The following CAD variants were observed in gnomAD, a reference collection of about 807,000 sequenced individuals.
CAD encodes the protein carbamoyl-phosphate synthetase 2, aspartate transcarbamylase, and dihydroorotase, also known as multifunctional protein CAD.
A neutral mutation model predicts 237.2 loss-of-function variants in CAD; 81 were observed. The ratio of observed to expected loss-of-function variants is 0.34; its 90% confidence interval spans 0.29 to 0.41. The LOEUF (loss-of-function observed/expected upper bound fraction) is 0.41. Ranked by LOEUF, CAD falls within the 10% of genes least tolerant of loss-of-function variation. The pLI, the probability that CAD is intolerant of heterozygous loss-of-function variation, is 1.00. For missense variants in CAD, 2,181 were observed against 2,951.7 expected (o/e 0.74, Z 6.05); for synonymous variants, 1,196 against 1,162.8 (o/e 1.03, Z -0.58).
Position 27,242,971 on chromosome 2 carries a change from G to C in CAD, c.6478G>C (p.Ala2160Pro). ...ATTTGGCTCTACCCAGGAGTACGAA[G>C]CTGTGAGTGCTGGGCTTGAGGAAGA... ...ERFGSTQEYE[A>P]CFGQFILTPH... Residue 2160 changes from alanine (A) to proline (P), a missense_variant and splice_region_variant, in exon 42 of 44, where the codon GCT becomes CCT. By Grantham distance (27) the Ala-to-Pro change is conservative. Transcript: ENST00000264705. The surrounding 1 kb of genome is among the most constrained non-coding windows in gnomAD (Gnocchi z 6.4). The C allele has an allele frequency of 6.3e-7, 1 of 1,593,722 alleles. No homozygotes were observed. Among genetic ancestry groups the C allele is most frequent in the Non-Finnish European group, 8.6e-7 (1 of 1,165,912 alleles).
chr2:27,242,898 G>T lies in CAD; in HGVS notation c.6405G>T (p.Ala2135=), dbSNP rs749040465. The change falls in exon 42 of 44, where the codon GCG becomes GCT. Residue 2135 remains alanine, a synonymous_variant. Transcript: ENST00000264705. The surrounding 1 kb of genome is among the most constrained non-coding windows in gnomAD (Gnocchi z 6.4). ...KQEEFESIEE[A]LPDTDVLYMT... ...AGGAATTCGAGAGCATTGAGGAGGC[G>T]CTGCCTGACACTGATGTGCTCTACA... The T allele has an allele frequency of 6.2e-7, 1 of 1,614,020 alleles. No individual in the cohort carries two copies. The highest frequency in any genetic ancestry group is 8.5e-7 in the Non-Finnish European group (1 of 1,179,894).
chr2:27,223,021 A>G lies in CAD; in HGVS notation c.793A>G (p.Lys265Glu). 1 of 1,614,206 alleles carries G rather than the reference A, an allele frequency of 6.2e-7. No individual in the cohort carries two copies. The highest frequency in any genetic ancestry group is 8.5e-7 in the Non-Finnish European group (1 of 1,180,034). ...GCTATTGGCCTTAGCCATTGGGGCC[A>G]AGACTTACAAGATGAGGTGGGACTT... Reference protein sequence around the residue: ...HQLLALAIGAKTYKMRYGNRG... With the variant: ...HQLLALAIGAETYKMRYGNRG... Residue 265 changes from lysine to glutamate, a missense_variant, in exon 6 of 44, where the codon AAG (lysine) becomes GAG (glutamate). By Grantham distance (56) the Lys-to-Glu change is moderately conservative (BLOSUM62 1). This residue lies in a region of CAD where 314 missense variants were observed against 339.4 expected (regional missense o/e 0.93). Transcript: ENST00000264705.
chr2:27,238,733 C>CGTCCTA, intron 31 of CAD, 101 bp downstream of exon 31: 3 of 1,132,534 alleles, frequency 2.6e-6, no homozygotes, highest in Non-Finnish European at 3.8e-6. Flanking sequence ...TCTACTAGGA[C>CGTCCTA]AGGGTCTTGA....
intron 23 of CAD, 110 bp downstream of exon 23, chr2:27,234,795 G>A (rs1455934023): frequency 1.1e-5 from 11 of 995,600 alleles, no homozygotes; most frequent in East Asian, 1.1e-4. Flanking sequence ...AGGCATTGCC[G>A]GATCGTGGGG....
chr2:27,232,432 C>G lies in CAD; in HGVS notation c.2646-16C>G, dbSNP rs747150696. The G allele has an allele frequency of 1.2e-6, 2 of 1,613,828 alleles. No homozygotes were observed. Among genetic ancestry groups the G allele is most frequent in the East Asian group, 2.2e-5 (1 of 44,896 alleles). ...TACTCTCTGGGCCTGTGTTTCAGAC[C>G]CTTTTTCTATTTTAGCACAGAGCTG... On this transcript the variant is annotated splice_polypyrimidine_tract_variant and intron_variant, in intron 17 of 43. Transcript: ENST00000264705. The surrounding 1 kb of genome is among the most constrained non-coding windows in gnomAD (Gnocchi z 4.1).
At position 27,225,081 on chromosome 2, in the gene CAD, G is replaced by T; in HGVS notation, c.1458G>T (p.Val486=). 6.2e-7 allele frequency: 1 copy of T among 1,614,168 alleles called. No individual in the cohort carries two copies. Among genetic ancestry groups the T allele is most frequent in the Non-Finnish European group, 8.5e-7 (1 of 1,180,036 alleles). The change falls in exon 11 of 44, where the codon GTG becomes GTT. Residue 486 remains valine, a synonymous_variant. Coordinates refer to ENST00000264705, the MANE Select transcript of CAD (RefSeq NM_004341.5). The stretch of plus-strand genomic sequence containing the variant: ...GCCAGACTGCTCTGAACTGTGGTGT[G>T]GAGCTGACCAAGGCCGGGGTGCTGG... ...FGGQTALNCG[V]ELTKAGVLAR...
At position 27,225,021 on chromosome 2, in the gene CAD, T is replaced by C. The variant is rs141764429; in HGVS notation, c.1398T>C (p.Asn466=). 18 of 1,609,932 alleles carry C rather than the reference T, an allele frequency of 1.1e-5. No individual in the cohort carries two copies. The African/African-American group carries it at 1.9e-4, about 17-fold the overall frequency. Residue 466 remains asparagine (N), a synonymous_variant, in exon 11 of 44, where the codon AAT becomes AAC. Transcript: ENST00000264705. ...TPHYVTQVIR[N]ERPDGVLLTF... is the part of the protein sequence containing the mutation. Reference sequence around the variant, plus strand: ...CTCTCCATCCTCAGGTGATACGTAATGAACGCCCCGATGGTGTGTTACTGA... The same window carrying C: ...CTCTCCATCCTCAGGTGATACGTAACGAACGCCCCGATGGTGTGTTACTGA...
At chr2:27,218,158 A>G (rs1297010265) in intron 2 of CAD, 142 bp downstream of exon 2, 2 of 694,046 alleles carry the variant, frequency 2.9e-6, no homozygotes, top group East Asian at 6.3e-5. Context: ...GACTAAGATC[A>G]CTAGTAACTG....
In CAD at chr2:27,241,991, A is replaced by T. The variant is rs1194681458; in HGVS notation, c.5964A>T (p.Gly1988=). The change falls in exon 39 of 44, where the codon GGA becomes GGT. Residue 1988 remains glycine (G), a synonymous_variant. Coordinates refer to ENST00000264705, the MANE Select transcript of CAD (RefSeq NM_004341.5). The surrounding 1 kb of genome is among the most constrained non-coding windows in gnomAD (Gnocchi z 4.6). The stretch of plus-strand genomic sequence containing the variant: ...TTGCAGCAGCCATGGCCCGGCTGGG[A>T]GGTGCTGTGCTCAGCTTCTCGGAAG... The part of the protein sequence containing the change: ...SSFAAAMARL[G]GAVLSFSEAT... 1.2e-6 allele frequency: 2 copies of T among 1,613,192 alleles called. No individual in the cohort carries two copies. The highest frequency in any genetic ancestry group is 1.7e-6 in the Non-Finnish European group (2 of 1,180,018).
chr2:27,241,762 G>A lies in CAD; in HGVS notation c.5884-149G>A, dbSNP rs960239317. The A allele has an allele frequency of 1.9e-5, 12 of 643,006 alleles. No homozygotes were observed. Among genetic ancestry groups the A allele is most frequent in the East Asian group, 5.5e-5 (2 of 36,456 alleles). 39.8% of individuals were successfully genotyped at this position (643,006 alleles called of 1,614,324 possible). On this transcript the variant is annotated intron_variant, in intron 38 of 43. Coordinates refer to ENST00000264705, the MANE Select transcript of CAD (RefSeq NM_004341.5). This position sits in a 1 kb window ranked among gnomAD's most constrained non-coding sequence, Gnocchi z 4.6. Reference sequence around the variant, plus strand: ...TCAGAGTGACACCAGTGGTGGAAACGTCAAGGCTCTGACAGGTCACAGGGG... The same window carrying A: ...TCAGAGTGACACCAGTGGTGGAAACATCAAGGCTCTGACAGGTCACAGGGG...
chr2:27,226,480 A>G, intron 13 of CAD, 45 bp from the exon 14 acceptor site: 2 of 1,609,744 alleles, frequency 1.2e-6, no homozygotes, highest in Non-Finnish European at 1.7e-6. Flanking sequence ...GACCTCTCCT[A>G]GACAGGGTCT....
Position 27,222,521 on chromosome 2 carries a change from T to C in CAD, c.498T>C (p.Thr166=), listed in dbSNP as rs200462849. ...CCCTTTATTCGTCTATTTCTCAGAC[T>C]CCACGGGTATTCAATACAGGGGGTG... ...RPLVPEVSIK[T]PRVFNTGGAP... The change falls in exon 5 of 44, where the codon ACT becomes ACC. Residue 166 remains threonine, a splice_region_variant and synonymous_variant. Coordinates refer to ENST00000264705, the MANE Select transcript of CAD (RefSeq NM_004341.5). 6.2e-7 allele frequency: 1 copy of C among 1,613,886 alleles called. No individual in the cohort carries two copies.
intron 15 of CAD, 99 bp from the exon 16 acceptor site, chr2:27,231,369 T>C (rs1675745357): frequency 8.5e-6 from 6 of 703,004 alleles, no homozygotes; most frequent in Non-Finnish European, 1.5e-5. Context: ...CTTGAGAATC[T>C]CCCAGAGTCT....
At position 27,235,404 on chromosome 2, in the gene CAD, C is replaced by T. The variant is rs905455310; in HGVS notation, c.3946C>T (p.Leu1316=). 1 of 1,612,010 alleles carries T rather than the reference C, an allele frequency of 6.2e-7. No individual in the cohort carries two copies. The highest frequency in any genetic ancestry group is 1.7e-5 in the Admixed American group (1 of 59,882). The change falls in exon 24 of 44, where the codon CTG becomes TTG. Residue 1316 remains leucine, a synonymous_variant. Transcript: ENST00000264705. The surrounding 1 kb of genome is among the most constrained non-coding windows in gnomAD (Gnocchi z 5.2). ...CTTTAAGATCCCCAAGAAGAATATC[C>T]TGCTGACCATTGGCAGCTATAAGGT... ...TGFKIPKKNI[L]LTIGSYKNKS... is the part of the protein sequence containing the mutation.
chr2:27,217,942 T>G lies in CAD; in HGVS notation c.148T>G (p.Leu50Val), dbSNP rs2148051215. 1 of 1,613,354 alleles carries G rather than the reference T, an allele frequency of 6.2e-7. No homozygotes were observed. The highest frequency in any genetic ancestry group is 8.5e-7 in the Non-Finnish European group (1 of 1,179,574). Residue 50 changes from leucine (L) to valine (V), a missense_variant, in exon 2 of 44, where the codon TTA becomes GTA. Physicochemically the swap from Leu to Val is conservative, Grantham distance 32. Coordinates refer to ENST00000264705, the MANE Select transcript of CAD (RefSeq NM_004341.5). ...LTDPSYKAQILVLTYPLIGNY... is the reference protein window; with the variant it reads ...LTDPSYKAQIVVLTYPLIGNY... ...TGATCCCTCCTACAAGGCACAGATC[T>G]TAGTGCTCACCTATCCTCTGATCGG...
In CAD at chr2:27,237,355, C is replaced by T; in HGVS notation, c.4397-24C>T. The T allele has an allele frequency of 6.2e-7, 1 of 1,612,130 alleles. No homozygotes were observed. The highest frequency in any genetic ancestry group is 8.5e-7 in the Non-Finnish European group (1 of 1,178,466). Reference sequence around the variant, plus strand: ...TCCTATTTCTGAATCTTCCTGTAATCTTGCTGCTTCCATTTTCTCCCAGGA... The same window carrying T: ...TCCTATTTCTGAATCTTCCTGTAATTTTGCTGCTTCCATTTTCTCCCAGGA... On this transcript the variant is annotated intron_variant, in intron 27 of 43. Transcript: ENST00000264705. The surrounding 1 kb of genome is among the most constrained non-coding windows in gnomAD (Gnocchi z 4.0).
intron 1 of CAD, 34 bp from the exon 2 acceptor site, chr2:27,217,843 C>G (rs377668797): frequency 6.4e-7 from 1 of 1,561,884 alleles, no homozygotes; most frequent in Admixed American, 1.9e-5. Context: ...CGAAGGGTGC[C>G]CTACCGGAGC....
chr2:27,234,038 G>T lies in CAD; in HGVS notation c.3430G>T (p.Gly1144Cys). 1 of 1,614,052 alleles carries T rather than the reference G, an allele frequency of 6.2e-7. No homozygotes were observed. The highest frequency in any genetic ancestry group is 8.5e-7 in the Non-Finnish European group (1 of 1,179,982). ...TGACGTGGATGCCGTGGCCTCTGAT[G>T]GTGTGGTGGCAGCCATCGCCATCTC... ...EIDVDAVASD[G>C]VVAAIAISEH... The change falls in exon 22 of 44, where the codon GGT (glycine) becomes TGT (cysteine). Residue 1144 changes from glycine (G) to cysteine (C), a missense_variant. Transcript: ENST00000264705.
Position 27,217,512 on chromosome 2 carries a change from C to T in CAD, c.-40C>T, listed in dbSNP as rs1188971802. 1.3e-6 allele frequency: 2 copies of T among 1,531,740 alleles called. No homozygotes were observed. Among genetic ancestry groups the T allele is most frequent in the South Asian group, 1.2e-5 (1 of 84,928 alleles). The allele number at this position is 1,531,740 out of a possible 1,614,324, so 94.9% of individuals were successfully genotyped here. On this transcript the variant is annotated 5_prime_UTR_variant, in exon 1 of 44. Coordinates refer to ENST00000264705, the MANE Select transcript of CAD (RefSeq NM_004341.5). The stretch of plus-strand genomic sequence containing the variant: ...TTCCAGTGGAGTTTGCAGTCCTTCC[C>T]GCTTCTCCGTACTCGCCCCCGCCTC...
Sources: allele counts gnomAD v4.1 joint callset, GRCh38; gene constraint gnomAD v4.1.1; regional missense constraint gnomAD v4.1.1; non-coding constraint Gnocchi (gnomAD v3.1); transcripts MANE v1.5; gene names NCBI Gene and HGNC (gene_info 2026-07-23, HGNC 2026-07-21).